The following TRAK1 variants were observed in gnomAD, a reference collection of about 807,000 sequenced individuals.
TRAK1 encodes the protein trafficking kinesin-binding protein 1.
A neutral mutation model predicts 92.1 loss-of-function variants in TRAK1; 33 were observed. The ratio of observed to expected loss-of-function variants is 0.36; its 90% CI spans 0.27 to 0.48. The LOEUF (loss-of-function observed/expected upper bound fraction) is 0.48, where lower values mean the gene tolerates loss of function less well. Ranked by LOEUF, TRAK1 falls within the 20% of genes least tolerant of loss-of-function variation. The probability of loss-of-function intolerance (pLI) is 0.99; values close to 1 mark genes in which losing one functional copy is unlikely to be tolerated. For missense variants in TRAK1, 1,123 were observed against 1,257.9 expected (o/e 0.89, Z 1.62); for synonymous variants, 521 against 517.3 (o/e 1.01, Z -0.10).
chr3:42,183,880 C>T (rs959706607), intron 3 of TRAK1, among the ~76,000 whole-genome samples: 14 of 151,938 alleles, frequency 9.2e-5, no homozygotes, highest in Admixed American at 5.2e-4. Flanking sequence ...TATCAGGGGA[C>T]GTCTTTTTTC....
At chr3:42,149,700 C>T (rs528288709) in intron 2 of TRAK1, 126 of 1,449,704 alleles carry the variant, frequency 8.7e-5, no homozygotes, top group Middle Eastern at 7.4e-4. Flanking sequence ...AGGCGGCTGG[C>T]GGGTGGGAGG....
chr3:42,024,176 T>G (rs1164341634), intron 1 of TRAK1, among the ~76,000 whole-genome samples: 1 of 152,144 alleles, frequency 6.6e-6, no homozygotes, highest in Non-Finnish European at 1.5e-5. Flanking sequence ...GATATCCATG[T>G]GTAGGAGAAC....
intron 10 of TRAK1, among the ~76,000 whole-genome samples, chr3:42,196,998 T>TCA (rs1378434520): frequency 0.011 from 1,021 of 94,764 alleles, 13 homozygotes; most frequent in African/African-American, 0.037. Flanking sequence ...TCTCTCTCTC[T>TCA]CTCTCACACA....
intron 13 of TRAK1, among the ~76,000 whole-genome samples, chr3:42,208,881 C>T (rs188039406): frequency 2.6e-5 from 4 of 152,154 alleles, no homozygotes; most frequent in Non-Finnish European, 2.9e-5. Context: ...GCAAGAACAC[C>T]GTAGCATACT....
chr3:42,108,070 T>C (rs1707836906), intron 1 of TRAK1, among the ~76,000 whole-genome samples: 1 of 152,080 alleles, frequency 6.6e-6, no homozygotes, highest in African/African-American at 2.4e-5. Context: ...AGCCTTGTAG[T>C]CTCATTTTGC....
chr3:42,182,299 C>CTTTTTTTTTTTT (rs57384116), intron 3 of TRAK1, among the ~76,000 whole-genome samples: 1 of 144,290 alleles, frequency 6.9e-6, no homozygotes. Flanking sequence ...GCAACTCTCT[C>CTTTTTTTTTTTT]TTTTTTTTTT....
chr3:42,221,875 T>C (rs1710390445), intron 15 of TRAK1: 1 of 152,032 alleles, frequency 6.6e-6, no homozygotes, highest in Admixed American at 6.6e-5. Context: ...GCCAATGAGG[T>C]TTATTACTAG....
chr3:42,023,702 G>A (rs947181196), intron 1 of TRAK1, among the ~76,000 whole-genome samples: 2 of 151,498 alleles, frequency 1.3e-5, no homozygotes, highest in African/African-American at 2.4e-5. Context: ...AGGACCTGGA[G>A]GGTCTTGTTT....
At chr3:42,154,329 T>C (rs2149271719) in intron 2 of TRAK1, among the ~76,000 whole-genome samples, 1 of 152,256 alleles carries the variant, frequency 6.6e-6, no homozygotes, top group South Asian at 2.1e-4. Context: ...TCCATCACCA[T>C]GCCTGGCTTA....
At chr3:42,204,807 A>C (rs1708138086) in intron 13 of TRAK1, among the ~76,000 whole-genome samples, 1 of 152,078 alleles carries the variant, frequency 6.6e-6, no homozygotes, top group Non-Finnish European at 1.5e-5. Flanking sequence ...GTCTTGAACC[A>C]TTGCCCTCAA....
intron 13 of TRAK1, among the ~76,000 whole-genome samples, chr3:42,207,735 G>A (rs771995710): frequency 4.6e-5 from 7 of 152,206 alleles, no homozygotes; most frequent in Non-Finnish European, 1.0e-4. Context: ...GCAGGTCTGC[G>A]AAGCCCCGGC....
intron 2 of TRAK1, among the ~76,000 whole-genome samples, chr3:42,162,896 G>A (rs1335408817): frequency 6.6e-6 from 1 of 152,158 alleles, no homozygotes; most frequent in East Asian, 1.9e-4. Flanking sequence ...GAAAATTTAT[G>A]TAGATACATG....
intron 1 of TRAK1, among the ~76,000 whole-genome samples, chr3:42,105,173 C>T (rs1485539575): frequency 3.3e-5 from 5 of 152,024 alleles, no homozygotes; most frequent in Admixed American, 6.5e-5. Context: ...AGGCTGGTCT[C>T]GAACTCCTGA....
In TRAK1 at chr3:42,186,342, T is replaced by G. The variant is rs138760462; in HGVS notation, c.480+1541T>G. On this transcript the variant is annotated intron_variant, in intron 4 of 15. Coordinates refer to ENST00000327628, the MANE Select transcript of TRAK1 (RefSeq NM_001042646.3). ...TGGGAGTGGATGCCCTTGTTCATGT[T>G]CCTAAGATGTATTCAACCTTTTTCC... Among the ~76,000 whole-genome samples the G allele has an allele frequency of 7.2e-5, 11 of 152,302 alleles. No homozygotes were observed. In the East Asian group the frequency reaches 2.1e-3, roughly 29 times the overall value.
Position 42,193,977 on chromosome 3 carries a change from C to T in TRAK1, c.975+79C>T, listed in dbSNP as rs1006953693. The T allele has an allele frequency of 1.4e-5, 18 of 1,260,376 alleles. No individual in the cohort carries two copies. In the East Asian group the frequency reaches 1.6e-4, roughly 11 times the overall value. The allele number at this position is 1,260,376 out of a possible 1,614,324, so 78.1% of individuals were successfully genotyped here. A position where few individuals can be genotyped will look rare whatever the true frequency, so the allele number is the denominator to read the frequency against. ...TAGCCTTCCCGGACAGCTTTAGTCACGTCCATCGCAACTACTGTTTTTATT... is the reference window on the plus strand; with the variant it reads ...TAGCCTTCCCGGACAGCTTTAGTCATGTCCATCGCAACTACTGTTTTTATT... On this transcript the variant is annotated intron_variant, in intron 9 of 15. Coordinates refer to ENST00000327628, the MANE Select transcript of TRAK1 (RefSeq NM_001042646.3).
At chr3:42,128,350 A>T (rs993086127) in intron 2 of TRAK1, among the ~76,000 whole-genome samples, 1 of 152,230 alleles carries the variant, frequency 6.6e-6, no homozygotes, top group Non-Finnish European at 1.5e-5. Flanking sequence ...ATAAACATTG[A>T]GCAGAGATTC....
At chr3:42,071,665 A>G (rs1488204816) in intron 1 of TRAK1, among the ~76,000 whole-genome samples, 1 of 151,414 alleles carries the variant, frequency 6.6e-6, no homozygotes, top group Non-Finnish European at 1.5e-5. Context: ...CTGAGATCGC[A>G]CTATTGCACT....
intron 1 of TRAK1, among the ~76,000 whole-genome samples, chr3:42,061,326 C>T (rs1160393233): frequency 3.8e-5 from 5 of 131,862 alleles, no homozygotes; most frequent in African/African-American, 5.7e-5. Context: ...ACGCACACCC[C>T]CCCATGCACA....
chr3:42,210,164 C>T lies in TRAK1; in HGVS notation c.1963+179C>T, dbSNP rs138931765. ...TAAGTCCTGTAAACTTGGCACCTTTCCCGGAGGCAGAGTTTTGGGCCATTC... is the reference window on the plus strand; with the variant it reads ...TAAGTCCTGTAAACTTGGCACCTTTTCCGGAGGCAGAGTTTTGGGCCATTC... On this transcript the variant is annotated intron_variant, in intron 14 of 15. Coordinates refer to ENST00000327628, the MANE Select transcript of TRAK1 (RefSeq NM_001042646.3). The T allele has an allele frequency of 1.4e-5, 23 of 1,591,904 alleles. No homozygotes were observed. The African/African-American group carries it at 2.6e-4, about 18-fold the overall frequency.
Sources: gnomAD v4.1 joint callset for allele counts (sites outside exome capture counted in the v4.1 genomes callset) on GRCh38, gnomAD v4.1.1 for gene constraint, MANE v1.5 for transcripts, NCBI Gene and HGNC (gene_info 2026-07-23, HGNC 2026-07-21) for gene names.